FARP1: variants seen among roughly 807,000 people sequenced by gnomAD.
FARP1 encodes FERM, ARH/RhoGEF and pleckstrin domain protein 1.
In FARP1, 52 loss-of-function variants were observed where a neutral mutation model predicts 128.8. The observed-to-expected ratio is 0.40, with a 90% confidence interval of 0.32 to 0.51. The LOEUF is 0.51. Among genes scored for constraint, FARP1 ranks in the 20% least tolerant of loss-of-function variants. FARP1 has a pLI of 0.45. For synonymous variants in FARP1, 580 were observed against 551.8 expected (o/e 1.05, Z -0.72); for missense variants, 1,333 against 1,367.9 (o/e 0.97, Z 0.40).
intron 2 of FARP1, among the ~76,000 whole-genome samples, chr13:98,273,515 C>T (rs894590828): frequency 3.9e-5 from 6 of 152,144 alleles, no homozygotes; most frequent in Admixed American, 6.5e-5. Flanking sequence ...TTCTGAGGTC[C>T]CGTTAGCCAA....
At chr13:98,258,364 A>G (rs1209070898) in intron 2 of FARP1, among the ~76,000 whole-genome samples, 1 of 152,250 alleles carries the variant, frequency 6.6e-6, no homozygotes, top group Non-Finnish European at 1.5e-5. Flanking sequence ...GACTCCCTGT[A>G]CTTTTAACTC....
intron 8 of FARP1, among the ~76,000 whole-genome samples, chr13:98,387,725 T>G (rs1890149932): frequency 6.6e-6 from 1 of 152,194 alleles, no homozygotes; most frequent in Non-Finnish European, 1.5e-5. Flanking sequence ...GAGACTGTGC[T>G]GGCCTTGAAG....
chr13:98,226,327 G>T (rs577933666), intron 2 of FARP1, among the ~76,000 whole-genome samples: 2 of 152,236 alleles, frequency 1.3e-5, no homozygotes, highest in South Asian at 2.1e-4. Flanking sequence ...TTCTTGCTGC[G>T]CAAGTGTTTC....
Position 98,276,261 on chromosome 13 carries a change from A to G in FARP1, c.171+62848A>G, listed in dbSNP as rs571422556. Among the ~76,000 whole-genome samples the G allele has an allele frequency of 2.0e-5, 3 of 152,322 alleles. No individual in the cohort carries two copies. The East Asian group carries it at 5.8e-4, about 29-fold the overall frequency. ...ATTTCTCAATTATTGAGTGTTGTAG[A>G]GTCTCTGAAAAAGATATTTAGAAGC... On this transcript the variant is annotated intron_variant, in intron 2 of 26. Transcript: ENST00000319562.
rs569669737 is a variant in FARP1 at position 98,449,271 on chromosome 13, T to C, written c.*954T>C. The C allele has an allele frequency of 6.6e-5, 10 of 152,348 alleles. No homozygotes were observed. The East Asian group carries it at 1.9e-3, about 29-fold the overall frequency. 9.4% of individuals were successfully genotyped at this position (152,348 alleles called of 1,614,324 possible). ...TTATTCCTATATCCTCCTGCAACTGTGGTTTGAAACTGCGCATTCTCTAGT... is the reference window on the plus strand; with the variant it reads ...TTATTCCTATATCCTCCTGCAACTGCGGTTTGAAACTGCGCATTCTCTAGT... On this transcript the variant is annotated 3_prime_UTR_variant, in exon 27 of 27. Coordinates refer to ENST00000319562, the MANE Select transcript of FARP1 (RefSeq NM_005766.4).
At chr13:98,404,150 A>G (rs1189493489) in intron 13 of FARP1, 1 of 152,296 alleles carries the variant, frequency 6.6e-6, no homozygotes, top group Non-Finnish European at 1.5e-5. Context: ...CCATTAGTGC[A>G]TTTCAATTCT....
intron 3 of FARP1, among the ~76,000 whole-genome samples, chr13:98,364,384 A>T (rs73567628): frequency 2.9e-3 from 443 of 152,290 alleles, no homozygotes; most frequent in African/African-American, 0.01. Flanking sequence ...TGGAAATTTA[A>T]TGGGTGGAAA....
In FARP1 at chr13:98,446,873, A is replaced by C. The variant is rs1594552767; in HGVS notation, c.3056+56A>C. 1.9e-6 allele frequency: 3 copies of C among 1,583,412 alleles called. No individual in the cohort carries two copies. The East Asian group carries it at 6.7e-5, about 36-fold the overall frequency. On this transcript the variant is annotated intron_variant, in intron 26 of 26. Coordinates refer to ENST00000319562, the MANE Select transcript of FARP1 (RefSeq NM_005766.4). ...TGCAGAAGAGGACCCCCTCTTCCAA[A>C]CATCAGGATTTCTCCCAAGTCAGCG...
chr13:98,344,408 C>T (rs1888094035), intron 3 of FARP1, among the ~76,000 whole-genome samples: 1 of 152,052 alleles, frequency 6.6e-6, no homozygotes. Flanking sequence ...AGTTTTCCAG[C>T]TTTGCCATCT....
At chr13:98,346,121 C>T (rs1219269545) in intron 3 of FARP1, among the ~76,000 whole-genome samples, 1 of 151,940 alleles carries the variant, frequency 6.6e-6, no homozygotes, top group African/African-American at 2.4e-5. Context: ...TTGTTCTGAC[C>T]ATATCACTAA....
chr13:98,343,880 A>C lies in FARP1; in HGVS notation c.276+14A>C. ...AAAAAGATCACGGTAGGTGATGTCA[A>C]CTTAATGTTACTATTTTACTGTCTG... On this transcript the variant is annotated intron_variant, in intron 3 of 26. Coordinates refer to ENST00000319562, the MANE Select transcript of FARP1 (RefSeq NM_005766.4). 2 of 1,502,258 alleles carry C rather than the reference A, an allele frequency of 1.3e-6. No individual in the cohort carries two copies. Among genetic ancestry groups the C allele is most frequent in the South Asian group, 2.3e-5 (2 of 88,680 alleles). 93.1% of individuals were successfully genotyped at this position (1,502,258 alleles called of 1,614,324 possible).
chr13:98,181,822 T>C (rs1878550296), intron 1 of FARP1, among the ~76,000 whole-genome samples: 1 of 152,040 alleles, frequency 6.6e-6, no homozygotes, highest in African/African-American at 2.4e-5. Context: ...TTTTGAGCCC[T>C]GTCTAGAACT....
Position 98,446,393 on chromosome 13 carries a change from C to T in FARP1, c.2904+188C>T, listed in dbSNP as rs1346770988. The T allele has an allele frequency of 2.0e-4, 121 of 601,252 alleles. 3 individuals carry two copies. In the South Asian group the frequency reaches 2.4e-3, roughly 12 times the overall value. The allele number at this position is 601,252 out of a possible 1,614,324, so 37.2% of individuals were successfully genotyped here. ...TCTAGGGAAGACTGACATTATCATCCACTGAAGGACAACTTCTGCCCTAGG... is the reference window on the plus strand; with the variant it reads ...TCTAGGGAAGACTGACATTATCATCTACTGAAGGACAACTTCTGCCCTAGG... On this transcript the variant is annotated intron_variant, in intron 25 of 26. Coordinates refer to ENST00000319562, the MANE Select transcript of FARP1 (RefSeq NM_005766.4).
intron 6 of FARP1, among the ~76,000 whole-genome samples, chr13:98,382,768 T>C (rs1889933868): frequency 6.6e-6 from 1 of 152,148 alleles, no homozygotes; most frequent in African/African-American, 2.4e-5. Context: ...AAGTATCCTT[T>C]TCATGGTCTA....
rs775267632 is a variant in FARP1, at chr13:98,439,178, C to G, written c.2415C>G (p.Leu805=). ...ASNQFKVHGQ[L]PLYGMTIEES... ...ATCAGTTTAAAGTCCACGGGCAGCT[C>G]CCGCTCTATGGCATGACGGTGAGTA... The change falls in exon 21 of 27, where the codon CTC becomes CTG. Residue 805 remains leucine, a synonymous_variant. Coordinates refer to ENST00000319562, the MANE Select transcript of FARP1 (RefSeq NM_005766.4). The G allele has an allele frequency of 1.9e-6, 3 of 1,613,406 alleles. No homozygotes were observed. The highest frequency in any genetic ancestry group is 2.7e-5 in the African/African-American group (2 of 74,944).
At chr13:98,241,613 C>T (rs984329757) in intron 2 of FARP1, among the ~76,000 whole-genome samples, 1 of 152,048 alleles carries the variant, frequency 6.6e-6, no homozygotes, top group African/African-American at 2.4e-5. Context: ...GATGTCGTCT[C>T]TACAAAAAAC....
At chr13:98,350,244 G>C (rs1437200066) in intron 3 of FARP1, among the ~76,000 whole-genome samples, 1 of 152,200 alleles carries the variant, frequency 6.6e-6, no homozygotes, top group East Asian at 1.9e-4. Context: ...ACAGCTGTGG[G>C]AGATGCTCCA....
At chr13:98,412,919 T>C (rs1339460601) in intron 16 of FARP1, among the ~76,000 whole-genome samples, 1 of 152,226 alleles carries the variant, frequency 6.6e-6, no homozygotes, top group African/African-American at 2.4e-5. Flanking sequence ...CGTTATGGGC[T>C]GTATCCTCAC....
Position 98,213,098 on chromosome 13 carries a change from A to G in FARP1, c.-23-122A>G, listed in dbSNP as rs1451725123. ...TTTGTGAGTGAACCGATGCCTCCCT[A>G]TATGTGATTCCTGTGCAGGGGATGG... On this transcript the variant is annotated intron_variant, in intron 1 of 26. Coordinates refer to ENST00000319562, the MANE Select transcript of FARP1 (RefSeq NM_005766.4). 8.8e-6 allele frequency: 6 copies of G among 678,744 alleles called. No homozygotes were observed. The Admixed American group carries it at 1.1e-4, about 12-fold the overall frequency. 42.0% of individuals were successfully genotyped at this position (678,744 alleles called of 1,614,324 possible). A position where few individuals can be genotyped will look rare whatever the true frequency, so the allele number is the denominator to read the frequency against.
Sources: gnomAD v4.1 joint callset for allele counts (sites outside exome capture counted in the v4.1 genomes callset) on GRCh38, gnomAD v4.1.1 for gene constraint, MANE v1.5 for transcripts, NCBI Gene and HGNC (gene_info 2026-07-23, HGNC 2026-07-21) for gene names.